The following SMAGP variants were observed in gnomAD, a reference collection of about 807,000 sequenced individuals.
The protein encoded by SMAGP is small cell adhesion glycoprotein, also known as small cell transmembrane and glycosylated protein.
A neutral mutation model predicts 10.1 loss-of-function variants in SMAGP; 7 were observed. That is an observed-to-expected ratio of 0.70 (90% CI 0.40 to 1.31). SMAGP has a LOEUF of 1.31. Ranked by LOEUF, SMAGP falls within the 50% of genes most tolerant of loss-of-function variation. SMAGP has a pLI of 0.01. For synonymous variants in SMAGP, 49 were observed against 47.2 expected, an observed-to-expected ratio of 1.04 and a Z score of -0.16; for missense variants, 113 against 116.5, an observed-to-expected ratio of 0.97 and a Z score of 0.14.
chr12:51,270,031 CG>C (rs1945014634), intron 1 of SMAGP: 1 of 151,682 alleles, frequency 6.6e-6, no homozygotes, highest in Non-Finnish European at 1.5e-5. Flanking sequence ...CCCCCGTCCC[CG>C]CCCCCGCCCC....
In SMAGP at chr12:51,248,560, G is replaced by GT. The variant is rs1258233496; in HGVS notation, c.35-1730_35-1729insA. 7.9e-5 allele frequency among the ~76,000 whole-genome samples: 12 copies of GT among 151,970 alleles called. No individual in the cohort carries two copies. The East Asian group carries it at 2.1e-3, about 27-fold the overall frequency. On this transcript the variant is annotated intron_variant, in intron 2 of 3. Transcript: ENST00000603798. The stretch of plus-strand genomic sequence containing the variant: ...TGTGGGTGTGTCACACCGCAGGAGC[G>GT]GGCCTCAGGAAACAGCATCTCTCCA...
At position 51,245,702 on chromosome 12, in the gene SMAGP, C is replaced by G; in HGVS notation, c.*239G>C. 1 of 466,118 alleles carries G rather than the reference C, an allele frequency of 2.1e-6. No individual in the cohort carries two copies. The highest frequency in any genetic ancestry group is 3.3e-5 in the East Asian group (1 of 30,430). 28.9% of individuals were successfully genotyped at this position (466,118 alleles called of 1,614,324 possible). On this transcript the variant is annotated 3_prime_UTR_variant, in exon 4 of 4. Coordinates refer to ENST00000603798, the MANE Select transcript of SMAGP (RefSeq NM_001031628.2). ...CCTGGCATAGCCACATCTTGTTGGC[C>G]AGTCACAAACACCAGCTCTAGTAAG...
chr12:51,260,353 G>A (rs561143508), intron 2 of SMAGP, among the ~76,000 whole-genome samples: 4 of 151,666 alleles, frequency 2.6e-5, no homozygotes, highest in Admixed American at 6.6e-5. Context: ...CAGCACAGCC[G>A]GCTGATTGTT....
chr12:51,247,331 T>A (rs997824460), intron 2 of SMAGP, among the ~76,000 whole-genome samples: 30 of 152,222 alleles, frequency 2.0e-4, no homozygotes, highest in Admixed American at 2.0e-3. Flanking sequence ...GCAGCATTCT[T>A]ACTAATTCTT....
chr12:51,261,603 A>G (rs980941775), intron 2 of SMAGP, among the ~76,000 whole-genome samples: 1 of 152,202 alleles, frequency 6.6e-6, no homozygotes, highest in African/African-American at 2.4e-5. Context: ...GACAAAAGCT[A>G]CGTAGCATCT....
chr12:51,266,051 C>T (rs561260546), intron 2 of SMAGP, among the ~76,000 whole-genome samples: 1 of 151,772 alleles, frequency 6.6e-6, no homozygotes, highest in Non-Finnish European at 1.5e-5. Context: ...TACTGCACTC[C>T]AGCCTGGGTG....
At chr12:51,259,794 A>G (rs1445756767) in intron 2 of SMAGP, among the ~76,000 whole-genome samples, 2 of 151,388 alleles carry the variant, frequency 1.3e-5, no homozygotes, top group Admixed American at 6.6e-5. Flanking sequence ...GATCACTGTA[A>G]CCTTGAACTC....
intron 2 of SMAGP, among the ~76,000 whole-genome samples, chr12:51,257,493 T>TGGGGCC (rs1405178141): frequency 6.6e-6 from 1 of 151,624 alleles, no homozygotes; most frequent in Non-Finnish European, 1.5e-5. Context: ...GAGAATTGTT[T>TGGGGCC]GGGGCCAGGG....
chr12:51,266,573 G>A (rs1944976250), intron 2 of SMAGP, among the ~76,000 whole-genome samples: 2 of 151,566 alleles, frequency 1.3e-5, no homozygotes, highest in African/African-American at 4.8e-5. Context: ...ACAGTATATT[G>A]TTATAGTTGT....
intron 2 of SMAGP, among the ~76,000 whole-genome samples, chr12:51,252,220 A>G (rs1158169166): frequency 2.6e-5 from 4 of 151,086 alleles, no homozygotes; most frequent in Non-Finnish European, 5.9e-5. Flanking sequence ...CAGCCTCCCG[A>G]GTAGCTGGGA....
intron 2 of SMAGP, among the ~76,000 whole-genome samples, chr12:51,248,500 C>T (rs1235602216): frequency 6.7e-6 from 1 of 149,480 alleles, no homozygotes; most frequent in Non-Finnish European, 1.5e-5. Context: ...GTTCCTGGCT[C>T]CTAATTCCCA....
rs764431864 is a variant in SMAGP at position 51,246,696 on chromosome 12, G to T, written c.115+55C>A. On this transcript the variant is annotated intron_variant, in intron 3 of 3. Transcript: ENST00000603798. ...AATGGATTTGGTCAGGCTCCCTCTGGAGAGAGATGCCCTTGATCCAGAAGG... is the reference window on the plus strand; with the variant it reads ...AATGGATTTGGTCAGGCTCCCTCTGTAGAGAGATGCCCTTGATCCAGAAGG... 73 of 1,408,144 alleles carry T rather than the reference G, an allele frequency of 5.2e-5. 2 individuals carry two copies. The South Asian group carries it at 1.0e-3, about 20-fold the overall frequency. 87.2% of individuals were successfully genotyped at this position (1,408,144 alleles called of 1,614,324 possible).
At chr12:51,255,216 T>C (rs1345661484) in intron 2 of SMAGP, among the ~76,000 whole-genome samples, 1 of 152,018 alleles carries the variant, frequency 6.6e-6, no homozygotes, top group African/African-American at 2.4e-5. Context: ...TGTTATTTTT[T>C]GGAGAGACGG....
chr12:51,260,928 C>T (rs568590196), intron 2 of SMAGP, among the ~76,000 whole-genome samples: 1 of 151,416 alleles, frequency 6.6e-6, no homozygotes, highest in East Asian at 2.0e-4. Flanking sequence ...CTTCGTGATC[C>T]ACCCGCCTCA....
intron 2 of SMAGP, among the ~76,000 whole-genome samples, chr12:51,260,845 C>T (rs986490537): frequency 6.7e-6 from 1 of 150,168 alleles, no homozygotes; most frequent in Admixed American, 6.7e-5. Context: ...ACCACCACGC[C>T]CAGCTGATTT....
chr12:51,266,142 T>C (rs1409545556), intron 2 of SMAGP, among the ~76,000 whole-genome samples: 3 of 151,844 alleles, frequency 2.0e-5, no homozygotes, highest in Admixed American at 6.6e-5. Flanking sequence ...AGGTTTCAGT[T>C]ACCCGTGGTC....
intron 2 of SMAGP, among the ~76,000 whole-genome samples, chr12:51,258,475 A>T (rs1241357296): frequency 6.9e-6 from 1 of 144,312 alleles, no homozygotes; most frequent in Non-Finnish European, 1.5e-5. Context: ...CTATAATCCC[A>T]GCTACTACTG....
intron 2 of SMAGP, among the ~76,000 whole-genome samples, chr12:51,259,351 C>A (rs559612772): frequency 6.6e-6 from 1 of 151,976 alleles, no homozygotes; most frequent in Non-Finnish European, 1.5e-5. Flanking sequence ...TGGGCTCAAG[C>A]GATCCTCCTG....
chr12:51,261,655 T>G (rs1255204800), intron 2 of SMAGP, among the ~76,000 whole-genome samples: 1 of 152,196 alleles, frequency 6.6e-6, no homozygotes, highest in Non-Finnish European at 1.5e-5. Flanking sequence ...TTGAACTAGC[T>G]GAGCATCAGA....
Sources: gnomAD v4.1 joint callset for allele counts (sites outside exome capture counted in the v4.1 genomes callset) on GRCh38, gnomAD v4.1.1 for gene constraint, MANE v1.5 for transcripts, NCBI Gene and HGNC (gene_info 2026-07-23, HGNC 2026-07-21) for gene names.